L3MBTL4: variants seen among roughly 807,000 people sequenced by gnomAD.
L3MBTL4 encodes L3MBTL histone methyl-lysine binding protein 4, also known as lethal(3)malignant brain tumor-like protein 4.
A neutral mutation model predicts 84.5 loss-of-function variants in L3MBTL4; 70 were observed. The observed-to-expected ratio is 0.83, with a 90% CI of 0.68 to 1.01. L3MBTL4 has a LOEUF of 1.01. Among genes scored for constraint, L3MBTL4 ranks in the 50% least tolerant of loss-of-function variants. The pLI is 0.00. For missense variants in L3MBTL4, 715 were observed against 754.8 expected, an observed-to-expected ratio of 0.95 and a Z score of 0.62; for synonymous variants, 274 against 259.8, an observed-to-expected ratio of 1.05 and a Z score of -0.52.
chr18:6,122,817 G>A (rs2059572533), intron 14 of L3MBTL4, among the ~76,000 whole-genome samples: 2 of 152,164 alleles, frequency 1.3e-5, no homozygotes, highest in Non-Finnish European at 2.9e-5. Flanking sequence ...GAATCTCCAT[G>A]AGAATTATAT....
chr18:5,993,887 A>C (rs1430575980), intron 16 of L3MBTL4, among the ~76,000 whole-genome samples: 2 of 152,212 alleles, frequency 1.3e-5, no homozygotes, highest in Non-Finnish European at 2.9e-5. Context: ...AAGTTAAAAA[A>C]AATACATGTT....
chr18:6,194,858 A>C (rs181446563), intron 12 of L3MBTL4, among the ~76,000 whole-genome samples: 208 of 152,358 alleles, frequency 1.4e-3, no homozygotes, highest in Non-Finnish European at 2.2e-3. Context: ...TCAGTGCCAA[A>C]GCAGAAGGAA....
At chr18:6,003,967 C>T (rs886344622) in intron 16 of L3MBTL4, among the ~76,000 whole-genome samples, 1 of 150,428 alleles carries the variant, frequency 6.6e-6, no homozygotes, top group Non-Finnish European at 1.5e-5. Context: ...CCTGAAGGAC[C>T]CAGAAAAAGA....
intron 16 of L3MBTL4, among the ~76,000 whole-genome samples, chr18:6,001,976 A>T (rs2054235697): frequency 6.6e-6 from 1 of 152,162 alleles, no homozygotes; most frequent in Admixed American, 6.5e-5. Context: ...CCTCAAGAAG[A>T]CCCACAATGA....
At chr18:6,063,202 G>A (rs968075287) in intron 16 of L3MBTL4, among the ~76,000 whole-genome samples, 1 of 151,776 alleles carries the variant, frequency 6.6e-6, no homozygotes, top group Non-Finnish European at 1.5e-5. Context: ...GTATTCCGTG[G>A]TGTATATATA....
chr18:6,341,262 C>T (rs1251945844), intron 1 of L3MBTL4, among the ~76,000 whole-genome samples: 3 of 151,826 alleles, frequency 2.0e-5, no homozygotes, highest in African/African-American at 7.3e-5. Context: ...AAATAAAGCT[C>T]CAGAGACTGA....
intron 16 of L3MBTL4, among the ~76,000 whole-genome samples, chr18:5,987,956 C>G (rs950774431): frequency 6.6e-6 from 1 of 151,830 alleles, no homozygotes; most frequent in African/African-American, 2.4e-5. Flanking sequence ...AGACGAAGCT[C>G]TGCTAATGCA....
intron 10 of L3MBTL4, among the ~76,000 whole-genome samples, chr18:6,221,682 T>C (rs1057470524): frequency 1.3e-5 from 2 of 152,178 alleles, no homozygotes; most frequent in East Asian, 1.9e-4. Flanking sequence ...AAAGCATCAA[T>C]AGAATAATTA....
intron 1 of L3MBTL4, among the ~76,000 whole-genome samples, chr18:6,315,068 A>G (rs1416545636): frequency 6.6e-6 from 1 of 152,248 alleles, no homozygotes. Flanking sequence ...TAAATGAATA[A>G]GAAATGTAAT....
intron 12 of L3MBTL4, among the ~76,000 whole-genome samples, chr18:6,181,861 C>A (rs1244646136): frequency 6.6e-6 from 1 of 152,174 alleles, no homozygotes; most frequent in Non-Finnish European, 1.5e-5. Flanking sequence ...TTATGGTTGT[C>A]TAGCATTCCA....
Position 6,243,287 on chromosome 18 carries a change from G to A in L3MBTL4, c.460+7C>T. Reference sequence around the variant, plus strand: ...TCTTTCCAGTTGGTAAATGTATCCTGGCTTACCCTTAGGGATGTGCAGTTC... The same window carrying A: ...TCTTTCCAGTTGGTAAATGTATCCTAGCTTACCCTTAGGGATGTGCAGTTC... On this transcript the variant is annotated splice_region_variant and intron_variant, in intron 7 of 18. Coordinates refer to ENST00000317931, the MANE Select transcript of L3MBTL4 (RefSeq NM_001330559.2). 2 of 1,548,702 alleles carry A rather than the reference G, an allele frequency of 1.3e-6. No individual in the cohort carries two copies. The highest frequency in any genetic ancestry group is 1.3e-5 in the South Asian group (1 of 77,038).
At chr18:6,092,058 A>C (rs2058477346) in intron 15 of L3MBTL4, among the ~76,000 whole-genome samples, 1 of 152,224 alleles carries the variant, frequency 6.6e-6, no homozygotes, top group African/African-American at 2.4e-5. Flanking sequence ...CAACAACAGG[A>C]GTAGGTGTAT....
At chr18:6,104,334 T>C (rs1183701058) in intron 14 of L3MBTL4, among the ~76,000 whole-genome samples, 1 of 152,134 alleles carries the variant, frequency 6.6e-6, no homozygotes, top group East Asian at 1.9e-4. Context: ...TAAATGGCCA[T>C]TGATGCACAA....
intron 14 of L3MBTL4, among the ~76,000 whole-genome samples, chr18:6,126,047 A>C (rs28665806): frequency 0.016 from 2,397 of 152,280 alleles, 66 homozygotes; most frequent in African/African-American, 0.055. Context: ...AGACTATTTT[A>C]TATTTTATTG....
At chr18:6,408,035 A>G (rs1568618776) in intron 1 of L3MBTL4, among the ~76,000 whole-genome samples, 1 of 152,168 alleles carries the variant, frequency 6.6e-6, no homozygotes, top group Non-Finnish European at 1.5e-5. Flanking sequence ...AACACACAAA[A>G]AGGAGGGTGT....
chr18:6,037,061 G>A (rs1004650220), intron 16 of L3MBTL4, among the ~76,000 whole-genome samples: 2 of 152,202 alleles, frequency 1.3e-5, no homozygotes, highest in African/African-American at 4.8e-5. Context: ...GCAACAATGC[G>A]GGGAGATGTG....
At chr18:6,065,261 T>C (rs934989319) in intron 16 of L3MBTL4, among the ~76,000 whole-genome samples, 1 of 152,078 alleles carries the variant, frequency 6.6e-6, no homozygotes, top group African/African-American at 2.4e-5. Flanking sequence ...TCAGTTAGTA[T>C]TTTGTTGAGG....
chr18:6,174,087 C>T (rs937156553), intron 12 of L3MBTL4, among the ~76,000 whole-genome samples: 1 of 151,494 alleles, frequency 6.6e-6, no homozygotes, highest in Non-Finnish European at 1.5e-5. Context: ...TAAAATCAAG[C>T]CTTAGCCAGA....
At chr18:5,969,643 C>T in intron 16 of L3MBTL4, 81 bp from the exon 17 acceptor site, 1 of 1,436,514 alleles carries the variant, frequency 7.0e-7, no homozygotes, top group African/African-American at 1.4e-5. Flanking sequence ...TCCGGAGGGC[C>T]CAAGTCAGGG....
Sources: allele counts gnomAD v4.1 joint callset (sites outside exome capture counted in the v4.1 genomes callset), GRCh38; gene constraint gnomAD v4.1.1; transcripts MANE v1.5; gene names NCBI Gene and HGNC (gene_info 2026-07-23, HGNC 2026-07-21).